The following ELL2 variants were observed in gnomAD, a reference collection of about 807,000 sequenced individuals.
ELL2 encodes the protein elongation factor for RNA polymerase II 2.
ELL2 carries 21 observed loss-of-function variants against 72.8 expected under a neutral mutation model. That is an observed-to-expected ratio of 0.29 (90% CI 0.20 to 0.42). ELL2 has a LOEUF of 0.42. Among genes scored for constraint, ELL2 ranks in the 10% least tolerant of loss-of-function variants. The pLI, the probability that ELL2 is intolerant of heterozygous loss-of-function variation, is 1.00. For missense variants in ELL2, 568 were observed against 772.8 expected (o/e 0.73, Z 3.14); for synonymous variants, 266 against 283.2 (o/e 0.94, Z 0.61).
chr5:95,930,900 T>C (rs1342061134), intron 2 of ELL2, among the ~76,000 whole-genome samples: 1 of 132,808 alleles, frequency 7.5e-6, no homozygotes, highest in Non-Finnish European at 1.5e-5. Context: ...ATATGCACCA[T>C]TTTGTGCCAT....
chr5:95,910,337 C>A (rs768389494), intron 4 of ELL2, among the ~76,000 whole-genome samples: 1 of 151,836 alleles, frequency 6.6e-6, no homozygotes, highest in Non-Finnish European at 1.5e-5. Flanking sequence ...TTTTGTACAC[C>A]TAAACAAATA....
intron 2 of ELL2, among the ~76,000 whole-genome samples, chr5:95,926,892 C>T (rs1750299258): frequency 6.6e-6 from 1 of 152,110 alleles, no homozygotes; most frequent in Admixed American, 6.5e-5. Flanking sequence ...AAATAAAATA[C>T]ACCCAATACA....
intron 2 of ELL2, among the ~76,000 whole-genome samples, chr5:95,922,774 A>G (rs530274261): frequency 6.6e-6 from 1 of 152,366 alleles, no homozygotes; most frequent in East Asian, 1.9e-4. Context: ...AAAAAATATG[A>G]CCATGACTAG....
Position 95,933,406 on chromosome 5 carries a change from G to A in ELL2, c.195+9596C>T, listed in dbSNP as rs556086742. ...GTAATAGGAGAATGGCTAAATGATA[G>A]TGCATCCATAAAATGAAATGTTAGG... On this transcript the variant is annotated intron_variant, in intron 2 of 11. Transcript: ENST00000237853. Among the ~76,000 whole-genome samples, 6 of 152,236 alleles carry A rather than the reference G, an allele frequency of 3.9e-5. No individual in the cohort carries two copies. The East Asian group carries it at 1.2e-3, about 29-fold the overall frequency.
intron 4 of ELL2, among the ~76,000 whole-genome samples, chr5:95,911,705 G>A (rs184952893): frequency 1.1e-4 from 16 of 152,128 alleles, no homozygotes; most frequent in East Asian, 1.9e-4. Context: ...AGAATTGGAG[G>A]CAGTCCAGAG....
In ELL2 at chr5:95,943,039, G is replaced by C. The variant is rs1308756507; in HGVS notation, c.158C>G (p.Pro53Arg). Residue 53 changes from proline (P) to arginine (R), a missense_variant, in exon 2 of 12, where the codon CCT (proline) becomes CGT (arginine). Coordinates refer to ENST00000237853, the MANE Select transcript of ELL2 (RefSeq NM_012081.6). ...ETYQSHKNLIPFRPSIQFQGL... is the reference protein window; with the variant it reads ...ETYQSHKNLIRFRPSIQFQGL... ...TTGGAACTGGATTGAAGGTCGAAAA[G>C]GAATTAAATTCTATTAAAAGAAACA... is the stretch of plus-strand genomic sequence containing the variant. 2 of 1,600,638 alleles carry C rather than the reference G, an allele frequency of 1.2e-6. No homozygotes were observed. Among genetic ancestry groups the C allele is most frequent in the South Asian group, 2.3e-5 (2 of 88,884 alleles).
chr5:95,927,400 T>TACAC (rs147145672), intron 2 of ELL2, among the ~76,000 whole-genome samples: 2,690 of 29,404 alleles, frequency 0.091, 631 homozygotes, highest in South Asian at 0.16. Context: ...TATATAGACA[T>TACAC]ACACACACGT....
chr5:95,912,232 C>T (rs1269219436), intron 4 of ELL2, among the ~76,000 whole-genome samples: 1 of 152,088 alleles, frequency 6.6e-6, no homozygotes, highest in Non-Finnish European at 1.5e-5. Flanking sequence ...ACAGATGACA[C>T]CCAAGGACCA....
At chr5:95,941,143 C>CT (rs1317163755) in intron 2 of ELL2, among the ~76,000 whole-genome samples, 8 of 152,184 alleles carry the variant, frequency 5.3e-5, no homozygotes, top group African/African-American at 1.9e-4. Flanking sequence ...CTCATCTACT[C>CT]TACCAAATCC....
intron 5 of ELL2, among the ~76,000 whole-genome samples, chr5:95,905,943 A>AG (rs1749342323): frequency 6.6e-6 from 1 of 152,236 alleles, no homozygotes; most frequent in Non-Finnish European, 1.5e-5. Flanking sequence ...TTTAAAAAAC[A>AG]ATGGCCTACT....
At chr5:95,917,052 A>C (rs1467036603) in intron 3 of ELL2, among the ~76,000 whole-genome samples, 1 of 152,200 alleles carries the variant, frequency 6.6e-6, no homozygotes, top group Admixed American at 6.5e-5. Flanking sequence ...TTCTCAACCG[A>C]GTTACCCTGA....
At chr5:95,892,805 C>T (rs1250457031) in intron 9 of ELL2, among the ~76,000 whole-genome samples, 1 of 152,100 alleles carries the variant, frequency 6.6e-6, no homozygotes, top group East Asian at 1.9e-4. Flanking sequence ...TTTATTCATG[C>T]TGAATTAGAC....
intron 1 of ELL2, among the ~76,000 whole-genome samples, chr5:95,959,110 C>A (rs1379278471): frequency 6.6e-6 from 1 of 152,162 alleles, no homozygotes; most frequent in Non-Finnish European, 1.5e-5. Context: ...TCTGGGGCCT[C>A]CAGTGGTCAT....
chr5:95,898,719 T>C lies in ELL2; in HGVS notation c.1046A>G (p.Asn349Ser). 1 of 1,611,630 alleles carries C rather than the reference T, an allele frequency of 6.2e-7. No homozygotes were observed. Among genetic ancestry groups the C allele is most frequent in the Non-Finnish European group, 8.5e-7 (1 of 1,178,552 alleles). ...TTCACTGGTGGGATTCAAATGACCA[T>C]TTAGTGTTGGTGGTACTCTGTTCGT... Reference protein sequence around the residue: ...HLTNRVPPTLNGHLNPTSEKS... With the variant: ...HLTNRVPPTLSGHLNPTSEKS... Residue 349 changes from asparagine to serine, a missense_variant, in exon 8 of 12, where the codon AAT becomes AGT. By Grantham distance (46) the Asn-to-Ser change is conservative. Around this residue, in one of 2 missense-constraint regions of ELL2, gnomAD observed 511 missense variants for 728.4 expected, o/e 0.70. Coordinates refer to ENST00000237853, the MANE Select transcript of ELL2 (RefSeq NM_012081.6).
In ELL2 at chr5:95,945,166, A is replaced by G. The variant is rs1223034041; in HGVS notation, c.148-2117T>C. 2.0e-5 allele frequency among the ~76,000 whole-genome samples: 3 copies of G among 152,170 alleles called. No individual in the cohort carries two copies. In the East Asian group the frequency reaches 5.8e-4, roughly 29 times the overall value. ...GCATTAGAAACTCACAATGGCAGCA[A>G]ATCTCAATGACTGGCAAATATGAAA... On this transcript the variant is annotated intron_variant, in intron 1 of 11. Coordinates refer to ENST00000237853, the MANE Select transcript of ELL2 (RefSeq NM_012081.6).
intron 5 of ELL2, among the ~76,000 whole-genome samples, chr5:95,905,913 T>C (rs759281418): frequency 3.9e-5 from 6 of 152,184 alleles, no homozygotes; most frequent in Non-Finnish European, 5.9e-5. Flanking sequence ...TAGGAGGTTA[T>C]AGTCTAACAA....
chr5:95,897,037 A>G (rs1362831410), intron 8 of ELL2, among the ~76,000 whole-genome samples: 1 of 152,178 alleles, frequency 6.6e-6, no homozygotes, highest in African/African-American at 2.4e-5. Flanking sequence ...AAAAGCTTAC[A>G]CCTACCTTTT....
At chr5:95,900,502 G>A (rs1749093177) in intron 7 of ELL2, 191 bp downstream of exon 7, 1 of 456,420 alleles carries the variant, frequency 2.2e-6, no homozygotes, top group Admixed American at 3.8e-5. Flanking sequence ...GCAGTGCTGT[G>A]TAGTGGAGAA....
At position 95,942,847 on chromosome 5, in the gene ELL2, A is replaced by G. The variant is rs1751018709; in HGVS notation, c.195+155T>C. 3 of 408,254 alleles carry G rather than the reference A, an allele frequency of 7.3e-6. No homozygotes were observed. The East Asian group carries it at 1.3e-4, about 17-fold the overall frequency. 25.3% of individuals were successfully genotyped at this position (408,254 alleles called of 1,614,324 possible). A position where few individuals can be genotyped will look rare whatever the true frequency, so the allele number is the denominator to read the frequency against. ...GTAAGTTAATAAAATAAGATAATTCAAGCATCTTAAAGATGTCAGAAATTT... is the reference window on the plus strand; with the variant it reads ...GTAAGTTAATAAAATAAGATAATTCGAGCATCTTAAAGATGTCAGAAATTT... On this transcript the variant is annotated intron_variant, in intron 2 of 11. Transcript: ENST00000237853.
Sources: allele counts gnomAD v4.1 joint callset (sites outside exome capture counted in the v4.1 genomes callset), GRCh38; gene constraint gnomAD v4.1.1; regional missense constraint gnomAD v4.1.1; transcripts MANE v1.5; gene names NCBI Gene and HGNC (gene_info 2026-07-23, HGNC 2026-07-21).